USF3: variants seen among roughly 807,000 people sequenced by gnomAD.
The protein encoded by USF3 is basic helix-loop-helix domain-containing protein USF3.
Under a neutral mutation model 157.5 loss-of-function variants are expected in USF3, and 29 were observed. The observed-to-expected ratio is 0.18, with a 90% CI of 0.14 to 0.25. The LOEUF is 0.25. Among genes scored for constraint, USF3 ranks in the 10% least tolerant of loss-of-function variants. The probability of loss-of-function intolerance (pLI) is 1.00; values close to 1 mark genes in which losing one functional copy is unlikely to be tolerated. For synonymous variants in USF3, 893 were observed against 941.4 expected (o/e 0.95, Z 0.94); for missense variants, 2,381 against 2,667.6 (o/e 0.89, Z 2.37).
At chr3:113,672,147 CTTTTT>C (rs1208088407) in intron 4 of USF3, among the ~76,000 whole-genome samples, 1 of 133,718 alleles carries the variant, frequency 7.5e-6, no homozygotes, top group South Asian at 2.4e-4. Context: ...TTTTTTTTTT[CTTTTT>C]TTTTTTTGAG....
Position 113,666,248 on chromosome 3 carries a change from C to CTT in USF3, c.160-1841_160-1840dup, listed in dbSNP as rs1232834885. ...TTCCATATAGCATCTAGACATCTTT[C>CTT]TTTTTTTTTTTTTTTTTTTTTGAGA... On this transcript the variant is annotated intron_variant, in intron 5 of 6. Transcript: ENST00000316407. Among the ~76,000 whole-genome samples, 522 of 101,766 alleles carry CTT rather than the reference C, an allele frequency of 5.1e-3. 12 individuals are homozygous for CTT. The highest frequency in any genetic ancestry group is 7.3e-3 in the African/African-American group (191 of 26,230). 66.8% of individuals were successfully genotyped at this position (101,766 alleles called of 152,430 possible). A position where few individuals can be genotyped will look rare whatever the true frequency, so the allele number is the denominator to read the frequency against.
rs1022298649 is a variant in USF3, at chr3:113,670,324, C to A, written c.77-121G>T. Reference sequence around the variant, plus strand: ...TAAGAAATGCTTATCAATGGCCAGGCGTGATGGTTCACACCTGCAAACCCA... The same window carrying A: ...TAAGAAATGCTTATCAATGGCCAGGAGTGATGGTTCACACCTGCAAACCCA... On this transcript the variant is annotated intron_variant, in intron 4 of 6. Coordinates refer to ENST00000316407, the MANE Select transcript of USF3 (RefSeq NM_001009899.4). 7.4e-6 allele frequency: 5 copies of A among 676,094 alleles called. 1 individual carries two copies. The highest frequency in any genetic ancestry group is 4.3e-5 in the Admixed American group (2 of 46,554). 41.9% of individuals were successfully genotyped at this position (676,094 alleles called of 1,614,324 possible).
Position 113,656,446 on chromosome 3 carries a change from G to A in USF3, c.5236C>T (p.Pro1746Ser). 5 of 1,614,152 alleles carry A rather than the reference G, an allele frequency of 3.1e-6. No individual in the cohort carries two copies. Among genetic ancestry groups the A allele is most frequent in the Non-Finnish European group, 3.4e-6 (4 of 1,180,022 alleles). ...TFKPSGASQQ[P>S]QSNFEVQSSR... Reference sequence around the variant, plus strand: ...GATTGTACTTCAAAATTACTCTGGGGCTGTTGACTAGCTCCACTTGGTTTA... The same window carrying A: ...GATTGTACTTCAAAATTACTCTGGGACTGTTGACTAGCTCCACTTGGTTTA... The change falls in exon 7 of 7, where the codon CCC becomes TCC. Residue 1746 changes from proline to serine, a missense_variant. Pro to Ser is a moderately conservative substitution (Grantham distance 74, BLOSUM62 -1). Transcript: ENST00000316407.
Position 113,654,895 on chromosome 3 carries a change from A to G in USF3, c.*49T>C. 1 of 1,560,806 alleles carries G rather than the reference A, an allele frequency of 6.4e-7. No individual in the cohort carries two copies. Among genetic ancestry groups the G allele is most frequent in the Non-Finnish European group, 8.7e-7 (1 of 1,150,894 alleles). Reference sequence around the variant, plus strand: ...ACATGTCTGTGCACATGCACGCACAAATACATTTGTAATCTCACTCATTAC... The same window carrying G: ...ACATGTCTGTGCACATGCACGCACAGATACATTTGTAATCTCACTCATTAC... On this transcript the variant is annotated 3_prime_UTR_variant, in exon 7 of 7. Transcript: ENST00000316407.
At chr3:113,672,323 G>A (rs1251825930) in intron 4 of USF3, among the ~76,000 whole-genome samples, 3 of 151,258 alleles carry the variant, frequency 2.0e-5, no homozygotes, top group Admixed American at 1.3e-4. Flanking sequence ...ATGGGGTTTC[G>A]CCATGTTGGC....
chr3:113,661,470 G>GT (rs1320303279), intron 6 of USF3, 45 bp from the exon 7 acceptor site: 57 of 1,145,874 alleles, frequency 5.0e-5, no homozygotes, highest in Non-Finnish European at 6.8e-5. Flanking sequence ...GAGAATGTCA[G>GT]TATTTACAAT....
rs369286234 is a variant in USF3 at position 113,660,505 on chromosome 3, G to C, written c.1177C>G (p.Pro393Ala). 17 of 1,614,026 alleles carry C rather than the reference G, an allele frequency of 1.1e-5. No homozygotes were observed. Among genetic ancestry groups the C allele is most frequent in the African/African-American group, 2.7e-5 (2 of 74,910 alleles). Residue 393 changes from proline to alanine, a missense_variant, in exon 7 of 7, where the codon CCT becomes GCT. Pro to Ala is a conservative substitution (Grantham distance 27, BLOSUM62 -1). Transcript: ENST00000316407. Reference protein sequence around the residue: ...TIPISTLSGNPLDNGWTLSCS... With the variant: ...TIPISTLSGNALDNGWTLSCS... ...GAAAGAGTCCAACCATTGTCCAAAG[G>C]GTTTCCCGAAAGAGTGCTTATAGGA...
intron 6 of USF3, among the ~76,000 whole-genome samples, chr3:113,662,267 A>G (rs989432296): frequency 1.1e-4 from 17 of 152,250 alleles, no homozygotes; most frequent in African/African-American, 4.1e-4. Flanking sequence ...AAGCATCGAC[A>G]ATGGAACCTG....
rs376000730 is a variant in USF3, at chr3:113,658,691, A to G, written c.2991T>C (p.Gly997=). The G allele has an allele frequency of 3.7e-6, 6 of 1,613,692 alleles. No individual in the cohort carries two copies. The Admixed American group carries it at 1.0e-4, about 27-fold the overall frequency. ...TAGTTAAACCTTGCCCCTTTAAGAGACCTGTGGTTTGCATTGTATCTGATG... is the reference window on the plus strand; with the variant it reads ...TAGTTAAACCTTGCCCCTTTAAGAGGCCTGTGGTTTGCATTGTATCTGATG... ...QDSSDTMQTT[G]LLKGQGLTTL... The change falls in exon 7 of 7, where the codon GGT becomes GGC. Residue 997 remains glycine, a synonymous_variant. Coordinates refer to ENST00000316407, the MANE Select transcript of USF3 (RefSeq NM_001009899.4).
intron 1 of USF3, among the ~76,000 whole-genome samples, chr3:113,686,355 G>A (rs926417844): frequency 6.6e-6 from 1 of 152,196 alleles, no homozygotes; most frequent in African/African-American, 2.4e-5. Flanking sequence ...CTGGGGAAGG[G>A]GGGAAGGGTG....
At chr3:113,678,183 A>C (rs1182601207) in intron 1 of USF3, among the ~76,000 whole-genome samples, 2 of 152,118 alleles carry the variant, frequency 1.3e-5, no homozygotes, top group Non-Finnish European at 2.9e-5. Context: ...AAAGCTGGAA[A>C]CACAGGCAGT....
intron 1 of USF3, among the ~76,000 whole-genome samples, chr3:113,689,034 A>AAAAACAAAC (rs1553702380): frequency 6.7e-6 from 1 of 150,160 alleles, no homozygotes; most frequent in South Asian, 2.1e-4. Flanking sequence ...CCATCTCAAA[A>AAAAACAAAC]AAACAAACAA....
chr3:113,682,231 G>A (rs1327837353), intron 1 of USF3, among the ~76,000 whole-genome samples: 2 of 152,096 alleles, frequency 1.3e-5, no homozygotes, highest in Admixed American at 6.5e-5. Flanking sequence ...AGACTGAGGT[G>A]GGAGAATCAC....
At chr3:113,690,513 C>G (rs562849541) in intron 1 of USF3, among the ~76,000 whole-genome samples, 6 of 152,254 alleles carry the variant, frequency 3.9e-5, no homozygotes, top group African/African-American at 1.2e-4. Context: ...TCACCTACCC[C>G]CTTCCACCTA....
At chr3:113,664,594 A>AT (rs1947535522) in intron 5 of USF3, among the ~76,000 whole-genome samples, 185 bp from the exon 6 acceptor site, 1 of 152,186 alleles carries the variant, frequency 6.6e-6, no homozygotes, top group Non-Finnish European at 1.5e-5. Context: ...TGGGCAGCTA[A>AT]TGAGTGGCAG....
rs1482039967 is a variant in USF3, at chr3:113,655,270, G to A, written c.6412C>T (p.Pro2138Ser). ...CCACTGTTTACCTTCTCTGTGCTAGGATTTGAGAACATCTGATTAGGAAAA... is the reference window on the plus strand; with the variant it reads ...CCACTGTTTACCTTCTCTGTGCTAGAATTTGAGAACATCTGATTAGGAAAA... Reference protein sequence around the residue: ...PYFPNQMFSNPSTEKVNSGSL... With the variant: ...PYFPNQMFSNSSTEKVNSGSL... The change falls in exon 7 of 7, where the codon CCT becomes TCT. Residue 2138 changes from proline to serine, a missense_variant. Physicochemically the swap from Pro to Ser is moderately conservative, Grantham distance 74. Coordinates refer to ENST00000316407, the MANE Select transcript of USF3 (RefSeq NM_001009899.4). The A allele has an allele frequency of 6.2e-7, 1 of 1,614,090 alleles. No individual in the cohort carries two copies. The highest frequency in any genetic ancestry group is 8.5e-7 in the Non-Finnish European group (1 of 1,179,962).
At chr3:113,668,464 A>C (rs944913136) in intron 5 of USF3, among the ~76,000 whole-genome samples, 7 of 142,110 alleles carry the variant, frequency 4.9e-5, no homozygotes, top group Admixed American at 6.9e-5. Flanking sequence ...CTATCCCACA[A>C]AAAAAAAAAA....
At chr3:113,682,654 T>C (rs527776018) in intron 1 of USF3, among the ~76,000 whole-genome samples, 3 of 152,346 alleles carry the variant, frequency 2.0e-5, no homozygotes, top group African/African-American at 7.2e-5. Context: ...ATTGGGTGCA[T>C]ATATATTTAC....
rs954877591 is a variant in USF3 at position 113,651,813 on chromosome 3, T to A, written c.*3131A>T. 1 of 152,204 alleles carries A rather than the reference T, an allele frequency of 6.6e-6. No individual in the cohort carries two copies. The highest frequency in any genetic ancestry group is 2.4e-5 in the African/African-American group (1 of 41,456). The allele number at this position is 152,204 out of a possible 1,614,324, so 9.4% of individuals were successfully genotyped here. On this transcript the variant is annotated 3_prime_UTR_variant, in exon 7 of 7. Coordinates refer to ENST00000316407, the MANE Select transcript of USF3 (RefSeq NM_001009899.4). ...GCAGGAGCCAATTATTCACAGATGG[T>A]CACATTTTTCCTCAGATGGTCAAAT...
Sources: allele counts gnomAD v4.1 joint callset (sites outside exome capture counted in the v4.1 genomes callset), GRCh38; gene constraint gnomAD v4.1.1; transcripts MANE v1.5; gene names NCBI Gene and HGNC (gene_info 2026-07-23, HGNC 2026-07-21).